Variants in SUMF1 observed in about 807,000 individuals in gnomAD.
The protein encoded by SUMF1 is formylglycine-generating enzyme.
A neutral mutation model predicts 47.6 loss-of-function variants in SUMF1; 48 were observed. That is an observed-to-expected ratio of 1.01 (90% CI 0.80 to 1.28). SUMF1 has a LOEUF of 1.28. SUMF1 is among the 50% of genes most tolerant of loss of function. The pLI is 0.00. For synonymous variants in SUMF1, 230 were observed against 192.1 expected (o/e 1.20, Z -1.63); for missense variants, 571 against 485.4 (o/e 1.18, Z -1.66).
At chr3:4,087,165 C>A (rs532810638) in intron 8 of SUMF1, among the ~76,000 whole-genome samples, 1 of 152,208 alleles carries the variant, frequency 6.6e-6, no homozygotes, top group African/African-American at 2.4e-5. Flanking sequence ...ACTGGAAAGC[C>A]AACGTGGGGT....
intron 3 of SUMF1, 37 bp downstream of exon 3, chr3:4,449,228 CT>C (rs1249623382): frequency 1.9e-6 from 3 of 1,611,498 alleles, no homozygotes. Flanking sequence ...TTCAATGAGC[CT>C]TAGAGAAATA....
intron 3 of SUMF1, among the ~76,000 whole-genome samples, chr3:4,439,796 A>T (rs1702520349): frequency 6.6e-6 from 1 of 151,940 alleles, no homozygotes; most frequent in Non-Finnish European, 1.5e-5. Flanking sequence ...TCCTGGCCTC[A>T]AGCAATCCTC....
chr3:4,096,808 C>A (rs1692915636), intron 8 of SUMF1, among the ~76,000 whole-genome samples: 1 of 152,016 alleles, frequency 6.6e-6, no homozygotes, highest in South Asian at 2.1e-4. Flanking sequence ...GGGTCGGAAC[C>A]AGGGTGAGCT....
Position 4,467,023 on chromosome 3 carries a change from T to C in SUMF1, c.223A>G (p.Asn75Asp), listed in dbSNP as rs2079969055. The C allele has an allele frequency of 1.9e-6, 3 of 1,588,714 alleles. No individual in the cohort carries two copies. The highest frequency in any genetic ancestry group is 2.3e-5 in the East Asian group (1 of 43,684). ...TCTCCGGGTACGGGGCCCGGAGCGT[T>C]AGCCTCCCGCGAGTATCGGTGAGCG... is the stretch of plus-strand genomic sequence containing the variant. ...AAAHRYSREA[N>D]APGPVPGERQ... Residue 75 changes from asparagine (N) to aspartate (D), a missense_variant, in exon 1 of 9, where the codon AAC becomes GAC. Asn to Asp is a conservative substitution (Grantham distance 23). Coordinates refer to ENST00000272902, the MANE Select transcript of SUMF1 (RefSeq NM_182760.4).
chr3:4,073,828 G>C (rs1692350146), intron 8 of SUMF1, among the ~76,000 whole-genome samples: 1 of 152,146 alleles, frequency 6.6e-6, no homozygotes, highest in Non-Finnish European at 1.5e-5. Context: ...GGAGCACCCA[G>C]ATTCATAAAG....
rs1338073485 is a variant in SUMF1 at position 4,354,726 on chromosome 3, GCTGTAA to G, written c.1014+21598_1014+21603del. Among the ~76,000 whole-genome samples the G allele has an allele frequency of 7.2e-5, 11 of 152,142 alleles. No homozygotes were observed. In the East Asian group the frequency reaches 1.9e-3, roughly 27 times the overall value. On this transcript the variant is annotated intron_variant and NMD_transcript_variant, in intron 8 of 12. Transcript: ENST00000448413. ...AGCCCATTTTGTCCTCTTCTCTGTG[GCTGTAA>G]CTCCATGGCTGCCCAGGACCATCTG...
intron 8 of SUMF1, among the ~76,000 whole-genome samples, chr3:4,160,389 G>A (rs1433334703): frequency 1.3e-5 from 2 of 151,914 alleles, no homozygotes; most frequent in African/African-American, 2.4e-5. Context: ...ACAAGTATGA[G>A]CCACCACACC....
intron 8 of SUMF1, among the ~76,000 whole-genome samples, chr3:4,175,324 G>C (rs886810140): frequency 1.3e-5 from 2 of 152,108 alleles, no homozygotes; most frequent in African/African-American, 4.8e-5. Context: ...CCTCTGAGAT[G>C]AAACTTCCAG....
intron 8 of SUMF1, among the ~76,000 whole-genome samples, chr3:4,141,083 A>G (rs551059817): frequency 1.3e-5 from 2 of 152,290 alleles, no homozygotes; most frequent in Non-Finnish European, 1.5e-5. Context: ...TAATGAGATT[A>G]GTATTTAGAG....
intron 8 of SUMF1, among the ~76,000 whole-genome samples, chr3:4,280,947 A>G (rs1355964566): frequency 6.6e-6 from 1 of 151,570 alleles, no homozygotes; most frequent in East Asian, 1.9e-4. Flanking sequence ...ATTTCATCTT[A>G]ACCTGATCAC....
At chr3:4,131,748 T>A (rs147279722) in intron 8 of SUMF1, among the ~76,000 whole-genome samples, 11 of 152,228 alleles carry the variant, frequency 7.2e-5, no homozygotes, top group Non-Finnish European at 8.8e-5. Context: ...GGTATTCGTA[T>A]CCCATGTGAG....
intron 3 of SUMF1, among the ~76,000 whole-genome samples, chr3:4,422,831 G>A (rs1575204233): frequency 6.6e-6 from 1 of 151,612 alleles, no homozygotes; most frequent in East Asian, 1.9e-4. Flanking sequence ...GGTTTCTGAG[G>A]AACAGGTGGT....
At chr3:4,366,951 T>G (rs561486769) in intron 8 of SUMF1, among the ~76,000 whole-genome samples, 1,784 of 152,334 alleles carry the variant, frequency 0.012, 30 homozygotes, top group African/African-American at 0.041. Context: ...GACCCTCAGC[T>G]GCAGGTCTGT....
At chr3:4,257,457 T>C (rs1696981506) in intron 8 of SUMF1, among the ~76,000 whole-genome samples, 2 of 150,198 alleles carry the variant, frequency 1.3e-5, no homozygotes, top group East Asian at 1.9e-4. Flanking sequence ...AGCATTCTTA[T>C]ACACCAACAA....
chr3:4,152,061 A>T (rs927980050), intron 8 of SUMF1, among the ~76,000 whole-genome samples: 16 of 151,592 alleles, frequency 1.1e-4, no homozygotes, highest in Admixed American at 1.3e-4. Flanking sequence ...TATCTAAATA[A>T]CCAATATTCC....
chr3:4,362,989 G>A (rs1191564751), intron 8 of SUMF1, among the ~76,000 whole-genome samples: 1 of 152,124 alleles, frequency 6.6e-6, no homozygotes, highest in Non-Finnish European at 1.5e-5. Flanking sequence ...CCACAGTGTA[G>A]ATAACTACAT....
intron 8 of SUMF1, among the ~76,000 whole-genome samples, chr3:4,242,531 CAT>C (rs1189220129): frequency 7.9e-5 from 12 of 152,120 alleles, no homozygotes; most frequent in African/African-American, 2.9e-4. Context: ...TTGAGATAAT[CAT>C]GTGGTTTTTG....
In SUMF1 at chr3:4,452,988, T is replaced by A; in HGVS notation, c.332A>T (p.Asp111Val). 1 of 1,614,138 alleles carries A rather than the reference T, an allele frequency of 6.2e-7. No homozygotes were observed. The highest frequency in any genetic ancestry group is 8.5e-7 in the Non-Finnish European group (1 of 1,180,034). Residue 111 changes from aspartate (D) to valine (V), a missense_variant, in exon 2 of 9, where the codon GAT becomes GTT. By Grantham distance (152) the Asp-to-Val change is radical. Coordinates refer to ENST00000272902, the MANE Select transcript of SUMF1 (RefSeq NM_182760.4). ...AACTCTCCTCGCAGGTGCTTCCCCA[T>A]CCTGCTTTATCTGAGGATCATCTGT... ...MGTDDPQIKQ[D>V]GEAPARRVTI... is the part of the protein sequence containing the mutation.
intron 3 of SUMF1, among the ~76,000 whole-genome samples, chr3:4,420,618 G>A (rs138710897): frequency 0.011 from 1,729 of 152,064 alleles, 34 homozygotes; most frequent in African/African-American, 0.039. Context: ...GGATGGTCTC[G>A]ATCTCCTGAC....
Sources: gnomAD v4.1 joint callset for allele counts (sites outside exome capture counted in the v4.1 genomes callset) on GRCh38, gnomAD v4.1.1 for gene constraint, MANE v1.5 for transcripts, NCBI Gene and HGNC (gene_info 2026-07-23, HGNC 2026-07-21) for gene names.